The following LRP5 variants were observed in gnomAD, a reference collection of about 807,000 sequenced individuals.
The protein encoded by LRP5 is LDL receptor related protein 5.
A neutral mutation model predicts 154.1 loss-of-function variants in LRP5; 62 were observed. The ratio of observed to expected loss-of-function variants is 0.40; its 90% CI spans 0.33 to 0.50. The LOEUF is 0.50. Ranked by LOEUF, LRP5 falls within the 20% of genes least tolerant of loss-of-function variation. The probability of loss-of-function intolerance (pLI) is 0.55; values close to 1 mark genes in which losing one functional copy is unlikely to be tolerated. For missense variants in LRP5, 1,915 were observed against 2,336.7 expected, an observed-to-expected ratio of 0.82 and a Z score of 3.72; for synonymous variants, 966 against 1,011.5, an observed-to-expected ratio of 0.96 and a Z score of 0.85.
chr11:68,429,265 T>C (rs1054959437), intron 16 of LRP5, among the ~76,000 whole-genome samples: 4 of 151,632 alleles, frequency 2.6e-5, no homozygotes, highest in Admixed American at 2.0e-4. Flanking sequence ...AGTAAGTAAA[T>C]AGGAGGAGAG....
At chr11:68,343,374 G>A (rs1336007252) in intron 1 of LRP5, among the ~76,000 whole-genome samples, 1 of 152,034 alleles carries the variant, frequency 6.6e-6, no homozygotes. Flanking sequence ...ATTTGTGTGT[G>A]TGTGTGTTTG....
intron 5 of LRP5, among the ~76,000 whole-genome samples, chr11:68,380,113 A>C (rs2089915): frequency 2.0e-5 from 3 of 152,196 alleles, no homozygotes; most frequent in African/African-American, 7.2e-5. Context: ...AGCCTGGGCA[A>C]TAAGAGTGAA....
intron 1 of LRP5, among the ~76,000 whole-genome samples, chr11:68,331,931 T>C (rs2098603054): frequency 6.6e-6 from 1 of 151,854 alleles, no homozygotes; most frequent in African/African-American, 2.4e-5. Flanking sequence ...ATGTGAGGTG[T>C]GTGTGGGGAG....
At chr11:68,312,467 C>G (rs908352154), upstream of LRP5, 2 of 147,016 alleles carry the variant, frequency 1.4e-5, no homozygotes, top group African/African-American at 4.9e-5. Context: ...GCCGCCTGGC[C>G]GCCGGCCGGC....
In LRP5 at chr11:68,365,575, C is replaced by G. The variant is rs754740683; in HGVS notation, c.888C>G (p.His296Gln). The change falls in exon 5 of 23, where the codon CAC becomes CAG. Residue 296 changes from histidine to glutamine, a missense_variant. This residue lies in a region of LRP5 where 773 missense variants were observed against 1,100.9 expected (regional missense o/e 0.70). Coordinates refer to ENST00000294304, the MANE Select transcript of LRP5 (RefSeq NM_002335.4). ...VLSQERQPFF[H>Q]TRCEEDNGGC... ...ACTCTGTCCTGGTTTTCTCAGTCCA[C>G]ACTCGCTGTGAGGAGGACAATGGCG... 5 of 1,614,022 alleles carry G rather than the reference C, an allele frequency of 3.1e-6. No individual in the cohort carries two copies. Among genetic ancestry groups the G allele is most frequent in the Non-Finnish European group, 3.4e-6 (4 of 1,179,984 alleles).
chr11:68,363,986 G>C (rs771137805), intron 4 of LRP5, 43 bp downstream of exon 4: 3 of 949,032 alleles, frequency 3.2e-6, no homozygotes, highest in Non-Finnish European at 1.5e-6. Flanking sequence ...GCGGGGGCTG[G>C]GGGGAGCGGG....
At chr11:68,417,449 CTTTTTTTTTTTTTTTT>C (rs1161126346) in intron 13 of LRP5, among the ~76,000 whole-genome samples, 1 of 41,598 alleles carries the variant, frequency 2.4e-5, no homozygotes, top group East Asian at 8.7e-4. Flanking sequence ...AACAGATTGG[CTTTTTTTTTTTTTTTT>C]TTTTTTTTTT....
chr11:68,315,597 G>A (rs954511709), intron 1 of LRP5, among the ~76,000 whole-genome samples: 5 of 152,250 alleles, frequency 3.3e-5, no homozygotes, highest in Non-Finnish European at 1.5e-5. Context: ...CACCTGGCCC[G>A]GTATAATGCT....
chr11:68,361,868 T>G (rs1438971407), intron 3 of LRP5, among the ~76,000 whole-genome samples: 1 of 152,152 alleles, frequency 6.6e-6, no homozygotes, highest in East Asian at 1.9e-4. Context: ...GTTTGTTGAT[T>G]CCTTGAGACG....
intron 7 of LRP5, among the ~76,000 whole-genome samples, chr11:68,403,159 C>T (rs1372667451): frequency 1.3e-5 from 2 of 152,096 alleles, no homozygotes; most frequent in South Asian, 2.1e-4. Flanking sequence ...GCAGGAGAAT[C>T]GCTTGAACCT....
chr11:68,442,817 C>T (rs1591333406), intron 21 of LRP5, among the ~76,000 whole-genome samples: 3 of 152,198 alleles, frequency 2.0e-5, no homozygotes, highest in Admixed American at 2.0e-4. Flanking sequence ...CTGGGTCGTT[C>T]GGTTGGTAGG....
At chr11:68,354,528 G>A (rs2098621482) in intron 2 of LRP5, among the ~76,000 whole-genome samples, 2 of 152,352 alleles carry the variant, frequency 1.3e-5, no homozygotes, top group South Asian at 2.1e-4. Context: ...TCTGGGCTCT[G>A]TCCAGGCTCC....
chr11:68,339,626 G>A (rs566526644), intron 1 of LRP5, among the ~76,000 whole-genome samples: 14 of 152,212 alleles, frequency 9.2e-5, no homozygotes, highest in East Asian at 3.9e-4. Context: ...GATTACAGGC[G>A]TGAGCCACCA....
intron 5 of LRP5, among the ~76,000 whole-genome samples, chr11:68,376,891 G>T (rs113670752): frequency 2.6e-5 from 4 of 152,318 alleles, no homozygotes; most frequent in African/African-American, 9.6e-5. Flanking sequence ...AAAGATGAGA[G>T]GGCTGCCCAG....
rs1241604386 is a variant in LRP5, at chr11:68,353,407, A to C, written c.489-4243A>C. Among the ~76,000 whole-genome samples the C allele has an allele frequency of 6.6e-6, 1 of 152,008 alleles. No homozygotes were observed. The highest frequency in any genetic ancestry group is 1.9e-4 in the East Asian group (1 of 5,178). On this transcript the variant is annotated intron_variant, in intron 2 of 22. Transcript: ENST00000294304. The surrounding 1 kb of genome is among the most constrained non-coding windows in gnomAD (Gnocchi z 4.5). ...GCCATGGTCCTACCCTGAGGTGCTG[A>C]CTCTGTCCCTGTAGGCTCCATGTCT... is the stretch of plus-strand genomic sequence containing the variant.
intron 13 of LRP5, 94 bp downstream of exon 13, chr11:68,416,621 G>T: frequency 8.4e-7 from 1 of 1,193,014 alleles, no homozygotes; most frequent in South Asian, 1.3e-5. Context: ...GCAGAGGGAG[G>T]AAACAGAGGA....
chr11:68,417,449 C>CCTTTT (rs2098663193), intron 13 of LRP5, among the ~76,000 whole-genome samples: 1 of 41,598 alleles, frequency 2.4e-5, no homozygotes, highest in African/African-American at 1.1e-4. Context: ...AACAGATTGG[C>CCTTTT]TTTTTTTTTT....
At chr11:68,308,775 G>A (rs185255841), upstream of LRP5, among the ~76,000 whole-genome samples, 213 of 151,734 alleles carry the variant, frequency 1.4e-3, no homozygotes, top group Middle Eastern at 0.01. Flanking sequence ...TTGAGATGGA[G>A]TCTTGCTCTG....
At chr11:68,316,975 T>C (rs1299975013) in intron 1 of LRP5, among the ~76,000 whole-genome samples, 1 of 152,248 alleles carries the variant, frequency 6.6e-6, no homozygotes, top group East Asian at 1.9e-4. Flanking sequence ...GGGGAGGCCC[T>C]GGCGGGAGCC....
Sources: allele counts gnomAD v4.1 joint callset (sites outside exome capture counted in the v4.1 genomes callset), GRCh38; gene constraint gnomAD v4.1.1; regional missense constraint gnomAD v4.1.1; non-coding constraint Gnocchi (gnomAD v3.1); transcripts MANE v1.5; gene names NCBI Gene and HGNC (gene_info 2026-07-23, HGNC 2026-07-21).